Variants in TRERF1 observed in about 807,000 individuals in gnomAD.
TRERF1 encodes transcriptional-regulating factor 1.
In TRERF1, 27 loss-of-function variants were observed where a neutral mutation model predicts 122.9. That is an observed-to-expected ratio of 0.22 (90% CI 0.16 to 0.30). The LOEUF (loss-of-function observed/expected upper bound fraction) is 0.30, where lower values mean the gene tolerates loss of function less well. Ranked by LOEUF, TRERF1 falls within the 10% of genes least tolerant of loss-of-function variation. The pLI is 1.00. For missense variants in TRERF1, 1,248 were observed against 1,560.3 expected, an observed-to-expected ratio of 0.80 and a Z score of 3.37; for synonymous variants, 636 against 641.7, an observed-to-expected ratio of 0.99 and a Z score of 0.13.
At chr6:42,288,913 C>T (rs1475548000) in intron 4 of TRERF1, among the ~76,000 whole-genome samples, 1 of 151,770 alleles carries the variant, frequency 6.6e-6, no homozygotes, top group Non-Finnish European at 1.5e-5. Flanking sequence ...CTTAATGGCT[C>T]CCCTGAAGAG....
At chr6:42,386,758 T>G (rs1383047246) in intron 2 of TRERF1, among the ~76,000 whole-genome samples, 3 of 152,198 alleles carry the variant, frequency 2.0e-5, no homozygotes, top group African/African-American at 7.2e-5. Context: ...GCTGGGGGGT[T>G]GCATTTCAGC....
intron 3 of TRERF1, among the ~76,000 whole-genome samples, chr6:42,361,614 G>C (rs1396900264): frequency 1.3e-5 from 2 of 152,144 alleles, no homozygotes; most frequent in Non-Finnish European, 1.5e-5. Flanking sequence ...ATCCCTCACA[G>C]CCGGCACATC....
At chr6:42,364,140 C>T (rs1253854791) in intron 2 of TRERF1, among the ~76,000 whole-genome samples, 1 of 152,214 alleles carries the variant, frequency 6.6e-6, no homozygotes, top group African/African-American at 2.4e-5. Flanking sequence ...CTCTTCTCCT[C>T]CTACTCTGCC....
chr6:42,319,020 T>TG (rs1762956671), intron 3 of TRERF1, among the ~76,000 whole-genome samples: 1 of 152,220 alleles, frequency 6.6e-6, no homozygotes, highest in Non-Finnish European at 1.5e-5. Context: ...TGGGCCAAGG[T>TG]GGTTAAGAAG....
At chr6:42,368,397 C>T (rs182870636) in intron 2 of TRERF1, among the ~76,000 whole-genome samples, 1 of 152,092 alleles carries the variant, frequency 6.6e-6, no homozygotes, top group Non-Finnish European at 1.5e-5. Context: ...CCTCGCCCCC[C>T]CAAGTTAGGT....
chr6:42,348,707 A>C (rs1273740283), intron 3 of TRERF1, among the ~76,000 whole-genome samples: 1 of 152,224 alleles, frequency 6.6e-6, no homozygotes, highest in Non-Finnish European at 1.5e-5. Flanking sequence ...TTTTGCTATA[A>C]TGATATTCAC....
At chr6:42,295,028 G>T (rs1299756944) in intron 4 of TRERF1, among the ~76,000 whole-genome samples, 1 of 152,096 alleles carries the variant, frequency 6.6e-6, no homozygotes, top group Non-Finnish European at 1.5e-5. Context: ...CAAGGGGTGG[G>T]GTGGGGCTGG....
chr6:42,316,015 C>T (rs1333859709), intron 3 of TRERF1, among the ~76,000 whole-genome samples: 4 of 152,158 alleles, frequency 2.6e-5, no homozygotes, highest in Non-Finnish European at 5.9e-5. Flanking sequence ...AGATTTGGTT[C>T]TTCCTGCAGA....
chr6:42,437,931 T>A (rs1477215943), intron 2 of TRERF1, among the ~76,000 whole-genome samples: 4 of 150,914 alleles, frequency 2.7e-5, no homozygotes, highest in South Asian at 2.1e-4. Flanking sequence ...TTATTTATTA[T>A]TTATTTTTGA....
intron 4 of TRERF1, among the ~76,000 whole-genome samples, chr6:42,295,644 T>C (rs75192012): frequency 2.3e-3 from 354 of 152,340 alleles, no homozygotes; most frequent in African/African-American, 8.3e-3. Flanking sequence ...AAGGGCATCG[T>C]GTTTTTCCCT....
At position 42,259,666 on chromosome 6, in the gene TRERF1, C is replaced by T. The variant is rs1441415962; in HGVS notation, c.1942G>A (p.Val648Met). 6.2e-7 allele frequency: 1 copy of T among 1,610,208 alleles called. No homozygotes were observed. The highest frequency in any genetic ancestry group is 1.7e-5 in the Admixed American group (1 of 60,008). Residue 648 changes from valine to methionine, a missense_variant, in exon 9 of 18, where the codon GTG becomes ATG. Coordinates refer to ENST00000372922, the Ensembl canonical transcript of TRERF1. This position sits in a 1 kb window ranked among gnomAD's most constrained non-coding sequence, Gnocchi z 4.9. ...TGCCGGAACTTTTTCTTCTCCTGCA[C>T]GGTCTTGAGGGGCTCCTCGGCTTTG...
chr6:42,362,127 T>C (rs2150957473), intron 3 of TRERF1, among the ~76,000 whole-genome samples: 1 of 152,026 alleles, frequency 6.6e-6, no homozygotes, highest in South Asian at 2.1e-4. Context: ...TGCATCCTTA[T>C]AAAGACTCCC....
At chr6:42,436,810 A>ATATATAT (rs1235613225) in intron 2 of TRERF1, among the ~76,000 whole-genome samples, 237 of 102,062 alleles carry the variant, frequency 2.3e-3, no homozygotes, top group Middle Eastern at 5.7e-3. Flanking sequence ...CAAAAAAAAA[A>ATATATAT]AAAAATATAT....
intron 3 of TRERF1, among the ~76,000 whole-genome samples, chr6:42,319,385 A>C (rs761245094): frequency 2.2e-4 from 33 of 152,246 alleles, no homozygotes; most frequent in Admixed American, 3.9e-4. Flanking sequence ...TTGTAGAGGA[A>C]AGCCAGTTAC....
In TRERF1 at chr6:42,259,464, C is replaced by T. The variant is rs767693025; in HGVS notation, c.2144G>A (p.Ser715Asn). The T allele has an allele frequency of 6.2e-7, 1 of 1,606,828 alleles. No individual in the cohort carries two copies. Among genetic ancestry groups the T allele is most frequent in the Admixed American group, 1.7e-5 (1 of 59,756 alleles). The change falls in exon 9 of 18, where the codon AGC (serine) becomes AAC (asparagine). Residue 715 changes from serine to asparagine, a missense_variant. This residue lies in a region of TRERF1 where 946 missense variants were observed against 1,073.0 expected (regional missense o/e 0.88). Transcript: ENST00000372922. The surrounding 1 kb of genome is among the most constrained non-coding windows in gnomAD (Gnocchi z 4.9). ...GAGCCCCGAGCCCTGGCGCACCGGG[C>T]TCAGCATGGGTGGGGGCGTGTAAGG...
chr6:42,238,854 C>CACACAT, intron 15 of TRERF1, among the ~76,000 whole-genome samples: 1 of 149,798 alleles, frequency 6.7e-6, no homozygotes, highest in East Asian at 1.9e-4. Context: ...CACACACACA[C>CACACAT]ACACACACAC....
intron 15 of TRERF1, among the ~76,000 whole-genome samples, chr6:42,240,495 G>A (rs1173538982): frequency 6.6e-6 from 1 of 152,194 alleles, no homozygotes; most frequent in African/African-American, 2.4e-5. Flanking sequence ...GGTCTTCAAG[G>A]CTAGGAATCT....
intron 2 of TRERF1, among the ~76,000 whole-genome samples, chr6:42,435,578 A>G (rs1785186925): frequency 6.6e-6 from 1 of 152,104 alleles, no homozygotes. Context: ...AAAGAATCTA[A>G]GATGAACTTA....
intron 2 of TRERF1, among the ~76,000 whole-genome samples, chr6:42,395,333 C>G: frequency 6.6e-6 from 1 of 152,214 alleles, no homozygotes; most frequent in Non-Finnish European, 1.5e-5. Flanking sequence ...TAGAGCAGGG[C>G]TAAATTCATT....
Sources: gnomAD v4.1 joint callset for allele counts (sites outside exome capture counted in the v4.1 genomes callset) on GRCh38, gnomAD v4.1.1 for gene constraint, gnomAD v4.1.1 regional missense constraint, Gnocchi (gnomAD v3.1) non-coding constraint, MANE v1.5 for transcripts, NCBI Gene and HGNC (gene_info 2026-07-23, HGNC 2026-07-21) for gene names.